The following TMEM132B variants were observed in gnomAD, a reference collection of about 807,000 sequenced individuals.
TMEM132B encodes the protein transmembrane protein 132B.
Under a neutral mutation model 90.8 loss-of-function variants are expected in TMEM132B, and 18 were observed. The ratio of observed to expected loss-of-function variants is 0.20; its 90% CI spans 0.14 to 0.29. The LOEUF is 0.29. Ranked by LOEUF, TMEM132B falls within the 10% of genes least tolerant of loss-of-function variation. The probability of loss-of-function intolerance (pLI) is 1.00; values close to 1 mark genes in which losing one functional copy is unlikely to be tolerated. For missense variants in TMEM132B, 1,096 were observed against 1,326.8 expected, an observed-to-expected ratio of 0.83 and a Z score of 2.70; for synonymous variants, 504 against 523.3, an observed-to-expected ratio of 0.96 and a Z score of 0.50.
intron 5 of TMEM132B, among the ~76,000 whole-genome samples, chr12:125,643,364 C>T (rs2137027601): frequency 6.6e-6 from 1 of 152,256 alleles, no homozygotes; most frequent in South Asian, 2.1e-4. Context: ...TCCTGATTGT[C>T]CAGGAGAGAA....
chr12:125,205,549 T>A (rs969359610), intron 1 of TMEM132B, among the ~76,000 whole-genome samples: 4 of 152,238 alleles, frequency 2.6e-5, no homozygotes, highest in African/African-American at 4.8e-5. Context: ...ATCTCATGAA[T>A]CCTTTCAGCA....
At chr12:125,366,394 T>A (rs181530320) in intron 2 of TMEM132B, among the ~76,000 whole-genome samples, 346 of 152,258 alleles carry the variant, frequency 2.3e-3, no homozygotes, top group African/African-American at 8.0e-3. Flanking sequence ...GTAGGAGTGT[T>A]CCTCTTTCTC....
intron 1 of TMEM132B, among the ~76,000 whole-genome samples, chr12:125,276,821 G>A (rs2136125490): frequency 6.6e-6 from 1 of 152,322 alleles, no homozygotes; most frequent in East Asian, 1.9e-4. Flanking sequence ...AGAGGCACGT[G>A]TAATGTTTAA....
At chr12:125,448,164 TGAGACAG>T (rs1881055344) in intron 3 of TMEM132B, among the ~76,000 whole-genome samples, 1 of 151,948 alleles carries the variant, frequency 6.6e-6, no homozygotes, top group Non-Finnish European at 1.5e-5. Context: ...CTTAGGAGGC[TGAGACAG>T]GAGAATTGCT....
In TMEM132B at chr12:125,302,374, A is replaced by C. The variant is rs113854222; in HGVS notation, c.68-47078A>C. On this transcript the variant is annotated intron_variant, in intron 1 of 8. Transcript: ENST00000682704. ...AATCAGATCCTGTCTAAAAAAAAAA[A>C]AAAGTGAGCCTGGCTGAGACTAAAA... Among the ~76,000 whole-genome samples the C allele has an allele frequency of 8.1e-3, 1,234 of 152,180 alleles. 22 individuals are homozygous for C. Among genetic ancestry groups the C allele is most frequent in the African/African-American group, 0.028 (1,180 of 41,506 alleles).
chr12:125,258,310 C>G (rs1187701477), intron 1 of TMEM132B, among the ~76,000 whole-genome samples: 2 of 152,152 alleles, frequency 1.3e-5, no homozygotes, highest in African/African-American at 4.8e-5. Context: ...GGAATTTGGA[C>G]AGAGTACAGT....
intron 2 of TMEM132B, among the ~76,000 whole-genome samples, chr12:125,397,523 A>G (rs1204005375): frequency 1.3e-5 from 2 of 152,208 alleles, no homozygotes; most frequent in Non-Finnish European, 2.9e-5. Flanking sequence ...TAATTGAATC[A>G]TGAGAAACCC....
Position 125,272,042 on chromosome 12 carries a change from A to T in TMEM132B, c.68-77410A>T, listed in dbSNP as rs1032161824. 2.6e-5 allele frequency among the ~76,000 whole-genome samples: 4 copies of T among 152,084 alleles called. No homozygotes were observed. The South Asian group carries it at 8.5e-4, about 32-fold the overall frequency. ...ACCGCGGCTTGCCAAAGGCTCTCAG[A>T]CAGAGACCTGCTGTCTCCCGTCTAA... is the stretch of plus-strand genomic sequence containing the variant. On this transcript the variant is annotated intron_variant, in intron 1 of 8. Coordinates refer to ENST00000682704, the MANE Select transcript of TMEM132B (RefSeq NM_001366854.1).
intron 4 of TMEM132B, among the ~76,000 whole-genome samples, chr12:125,526,299 A>T (rs1386047787): frequency 1.3e-5 from 2 of 152,212 alleles, no homozygotes; most frequent in Non-Finnish European, 2.9e-5. Context: ...CTCCTCGCAC[A>T]GGGGTTGTCA....
At chr12:125,549,948 C>G (rs958306802) in intron 4 of TMEM132B, among the ~76,000 whole-genome samples, 1 of 152,326 alleles carries the variant, frequency 6.6e-6, no homozygotes, top group African/African-American at 2.4e-5. Flanking sequence ...CACCATCCTT[C>G]TCTCCCTGCT....
At chr12:125,188,690 C>G (rs1565970693) in intron 1 of TMEM132B, among the ~76,000 whole-genome samples, 1 of 151,838 alleles carries the variant, frequency 6.6e-6, no homozygotes, top group Non-Finnish European at 1.5e-5. Flanking sequence ...TTGGGAGAGT[C>G]TCAGCAGGGC....
chr12:125,590,280 A>T (rs1393956293), intron 5 of TMEM132B, among the ~76,000 whole-genome samples: 1 of 152,212 alleles, frequency 6.6e-6, no homozygotes, highest in Admixed American at 6.5e-5. Flanking sequence ...CATGAATGTT[A>T]ACTGCTACTT....
chr12:125,303,775 A>T (rs887643611), intron 1 of TMEM132B, among the ~76,000 whole-genome samples: 6 of 152,136 alleles, frequency 3.9e-5, no homozygotes, highest in African/African-American at 1.4e-4. Context: ...TGCCATTTGT[A>T]TATCTTCTGT....
chr12:125,566,598 G>A (rs889008354), intron 4 of TMEM132B, among the ~76,000 whole-genome samples: 1 of 152,098 alleles, frequency 6.6e-6, no homozygotes, highest in Admixed American at 6.6e-5. Context: ...TCTGTTCAGC[G>A]TTTAGCACCA....
chr12:125,514,699 T>C (rs1883063142), intron 3 of TMEM132B, among the ~76,000 whole-genome samples: 1 of 152,192 alleles, frequency 6.6e-6, no homozygotes, highest in Non-Finnish European at 1.5e-5. Flanking sequence ...CTTTCGAACT[T>C]GCCCACTCTT....
chr12:125,236,156 G>T (rs10773151), intron 1 of TMEM132B, among the ~76,000 whole-genome samples: 10 of 150,980 alleles, frequency 6.6e-5, no homozygotes, highest in African/African-American at 2.2e-4. Flanking sequence ...TTGTTTTTTT[G>T]TTTTTTTGAG....
At chr12:125,357,202 C>G (rs1218444937) in intron 2 of TMEM132B, among the ~76,000 whole-genome samples, 1 of 152,200 alleles carries the variant, frequency 6.6e-6, no homozygotes. Flanking sequence ...GTAACAATTT[C>G]ATAAATATTG....
In TMEM132B at chr12:125,294,206, T is replaced by A. The variant is rs375662847; in HGVS notation, c.68-55246T>A. Among the ~76,000 whole-genome samples, 25 of 152,382 alleles carry A rather than the reference T, an allele frequency of 1.6e-4. No homozygotes were observed. In the East Asian group the frequency reaches 4.0e-3, roughly 25 times the overall value. On this transcript the variant is annotated intron_variant, in intron 1 of 8. Coordinates refer to ENST00000682704, the MANE Select transcript of TMEM132B (RefSeq NM_001366854.1). ...ATTTCCAAGCTCCTGTGAGCTATAA[T>A]AAACTGGCTTTTGTTCTGTATAACT... is the stretch of plus-strand genomic sequence containing the variant.
Position 125,537,856 on chromosome 12 carries a change from C to T in TMEM132B, c.1293+18231C>T, listed in dbSNP as rs908301350. 3.3e-5 allele frequency among the ~76,000 whole-genome samples: 5 copies of T among 152,154 alleles called. No homozygotes were observed. The South Asian group carries it at 6.2e-4, about 19-fold the overall frequency. ...TTGGCTGTGGGACCTGGGGCAAGTC[C>T]CTGGATGTCTCTGAGCCTCAGTGTC... is the stretch of plus-strand genomic sequence containing the variant. On this transcript the variant is annotated intron_variant, in intron 4 of 8. Transcript: ENST00000682704.
Sources: gnomAD v4.1 joint callset for allele counts (sites outside exome capture counted in the v4.1 genomes callset) on GRCh38, gnomAD v4.1.1 for gene constraint, MANE v1.5 for transcripts, NCBI Gene and HGNC (gene_info 2026-07-23, HGNC 2026-07-21) for gene names.